NDUFS4: variants seen among roughly 807,000 people sequenced by gnomAD.
NDUFS4 encodes NADH dehydrogenase [ubiquinone] iron-sulfur protein 4, mitochondrial.
Under a neutral mutation model 24.3 loss-of-function variants are expected in NDUFS4, and 28 were observed. The ratio of observed to expected loss-of-function variants is 1.15; its 90% confidence interval spans 0.85 to 1.58. The LOEUF is 1.58. Among genes scored for constraint, NDUFS4 ranks in the 40% most tolerant of loss-of-function variants. NDUFS4 has a pLI of 0.00. For synonymous variants in NDUFS4, 93 were observed against 69.7 expected (o/e 1.34, Z -1.67); for missense variants, 223 against 207.9 (o/e 1.07, Z -0.45).
intron 2 of NDUFS4, among the ~76,000 whole-genome samples, chr5:53,623,984 T>C (rs1187767204): frequency 6.6e-6 from 1 of 152,226 alleles, no homozygotes; most frequent in Non-Finnish European, 1.5e-5. Flanking sequence ...CCCAAAGTGC[T>C]GGGATTACAG....
chr5:53,675,211 A>C (rs1461314354), intron 4 of NDUFS4, among the ~76,000 whole-genome samples: 6 of 128,516 alleles, frequency 4.7e-5, no homozygotes, highest in Non-Finnish European at 9.4e-5. Context: ...ACCCAGGCTG[A>C]AGTGCAGTGG....
chr5:53,646,480 C>A (rs1472746115), intron 3 of NDUFS4, 75 bp downstream of exon 3: 1 of 1,497,900 alleles, frequency 6.7e-7, no homozygotes, highest in Non-Finnish European at 9.3e-7. Flanking sequence ...ATATGATTTT[C>A]AAACTCTTTT....
chr5:53,608,018 A>C (rs1302786633), intron 2 of NDUFS4, among the ~76,000 whole-genome samples: 1 of 152,198 alleles, frequency 6.6e-6, no homozygotes, highest in African/African-American at 2.4e-5. Context: ...ATTATGTGAT[A>C]GATATTTATG....
chr5:53,616,233 A>G (rs1243798854), intron 2 of NDUFS4, among the ~76,000 whole-genome samples: 3 of 150,380 alleles, frequency 2.0e-5, no homozygotes, highest in Non-Finnish European at 4.4e-5. Context: ...TTTTTTTAGC[A>G]TATTCTAGGC....
In NDUFS4 at chr5:53,594,872, T is replaced by TTGTGTGTGTG. The variant is rs60887057; in HGVS notation, c.99-8562_99-8553dup. On this transcript the variant is annotated intron_variant, in intron 1 of 4. Transcript: ENST00000296684. ...CATTTGTATATACGTATGTCTGTGT[T>TTGTGTGTGTG]TGTGTGTGTGTGTGTGTGTGTGTGT... Among the ~76,000 whole-genome samples the TTGTGTGTGTG allele has an allele frequency of 8.8e-4, 131 of 148,532 alleles. 1 individual carries two copies. Among genetic ancestry groups the TTGTGTGTGTG allele is most frequent in the African/African-American group, 3.1e-3 (124 of 40,430 alleles).
chr5:53,564,076 G>T (rs1748944456), intron 1 of NDUFS4, among the ~76,000 whole-genome samples: 1 of 152,132 alleles, frequency 6.6e-6, no homozygotes, highest in Non-Finnish European at 1.5e-5. Context: ...TTAATGACTG[G>T]TGGGGACTGA....
chr5:53,656,012 A>G (rs1752152817), intron 3 of NDUFS4, among the ~76,000 whole-genome samples: 1 of 151,906 alleles, frequency 6.6e-6, no homozygotes, highest in Admixed American at 6.6e-5. Context: ...TGCTCTGTGG[A>G]TACTCTCTTC....
intron 4 of NDUFS4, among the ~76,000 whole-genome samples, chr5:53,674,866 G>A (rs1337493609): frequency 1.3e-5 from 2 of 151,926 alleles, no homozygotes; most frequent in African/African-American, 4.8e-5. Flanking sequence ...ATAAAAGTCT[G>A]TTTATATATT....
At chr5:53,566,520 A>G (rs1749031995) in intron 1 of NDUFS4, among the ~76,000 whole-genome samples, 1 of 152,170 alleles carries the variant, frequency 6.6e-6, no homozygotes, top group Non-Finnish European at 1.5e-5. Context: ...CAGATGAGGA[A>G]ACAGGTACAG....
chr5:53,671,283 C>T (rs1230647053), intron 4 of NDUFS4, among the ~76,000 whole-genome samples: 3 of 152,196 alleles, frequency 2.0e-5, no homozygotes, highest in East Asian at 1.9e-4. Flanking sequence ...GTCCCCTCAG[C>T]TTATATCTTT....
intron 4 of NDUFS4, among the ~76,000 whole-genome samples, chr5:53,661,763 G>T (rs910576390): frequency 4.1e-4 from 61 of 148,926 alleles, no homozygotes; most frequent in African/African-American, 1.3e-3. Flanking sequence ...TCTCTTTGAA[G>T]CAATTGTGAA....
intron 1 of NDUFS4, among the ~76,000 whole-genome samples, chr5:53,577,911 G>A (rs1231038507): frequency 1.3e-5 from 2 of 152,112 alleles, no homozygotes; most frequent in Non-Finnish European, 2.9e-5. Flanking sequence ...CTTTGAATTT[G>A]GTATCCTAGA....
intron 1 of NDUFS4, among the ~76,000 whole-genome samples, chr5:53,566,802 T>A (rs1017738954): frequency 6.6e-6 from 1 of 152,034 alleles, no homozygotes; most frequent in Non-Finnish European, 1.5e-5. Flanking sequence ...GAAAAAAGAC[T>A]GTACATGATA....
At chr5:53,596,149 G>A (rs983446982) in intron 1 of NDUFS4, among the ~76,000 whole-genome samples, 2 of 151,930 alleles carry the variant, frequency 1.3e-5, no homozygotes, top group African/African-American at 4.8e-5. Context: ...TGGTCCCTTA[G>A]GCTGGGCTCG....
chr5:53,648,251 G>A (rs1221032902), intron 3 of NDUFS4, among the ~76,000 whole-genome samples: 3 of 152,230 alleles, frequency 2.0e-5, no homozygotes, highest in East Asian at 3.9e-4. Flanking sequence ...GGATGGAATC[G>A]GCTCATGTCC....
chr5:53,564,619 A>G (rs1011107057), intron 1 of NDUFS4, among the ~76,000 whole-genome samples: 2 of 150,892 alleles, frequency 1.3e-5, no homozygotes, highest in South Asian at 2.1e-4. Flanking sequence ...GGCTCATGCA[A>G]CCTCCACCCT....
chr5:53,682,074 T>C lies in NDUFS4; in HGVS notation c.425-1044T>C, dbSNP rs139596787. Among the ~76,000 whole-genome samples, 1,481 of 152,224 alleles carry C rather than the reference T, an allele frequency of 9.7e-3. 22 individuals carry two copies. The highest frequency in any genetic ancestry group is 0.034 in the African/African-American group (1,415 of 41,544). On this transcript the variant is annotated intron_variant, in intron 4 of 4. Transcript: ENST00000296684. The stretch of plus-strand genomic sequence containing the variant: ...ATGAATTAGATGTTTCAAGATGTTA[T>C]TTGAATAAAGTCCTGAGAGAAGAAT...
chr5:53,675,979 C>T (rs1452945257), intron 4 of NDUFS4, among the ~76,000 whole-genome samples: 1 of 152,122 alleles, frequency 6.6e-6, no homozygotes, highest in Non-Finnish European at 1.5e-5. Flanking sequence ...TAGGATGTCT[C>T]AAGGGGACCT....
At chr5:53,639,275 T>A (rs1387072038) in intron 2 of NDUFS4, among the ~76,000 whole-genome samples, 1 of 151,872 alleles carries the variant, frequency 6.6e-6, no homozygotes, top group Non-Finnish European at 1.5e-5. Context: ...TGTAATAATA[T>A]TCTGTAGATT....
Sources: allele counts gnomAD v4.1 joint callset (sites outside exome capture counted in the v4.1 genomes callset), GRCh38; gene constraint gnomAD v4.1.1; transcripts MANE v1.5; gene names NCBI Gene and HGNC (gene_info 2026-07-23, HGNC 2026-07-21).